The following SENP1 variants were observed in gnomAD, a reference collection of about 807,000 sequenced individuals.
The protein encoded by SENP1 is SUMO specific peptidase 1, also known as sentrin-specific protease 1.
Under a neutral mutation model 93.0 loss-of-function variants are expected in SENP1, and 21 were observed. The ratio of observed to expected loss-of-function variants is 0.23; its 90% confidence interval spans 0.16 to 0.33. The LOEUF (loss-of-function observed/expected upper bound fraction) is 0.33, where lower values mean the gene tolerates loss of function less well. SENP1 is among the 10% of genes least tolerant of loss of function. The pLI is 1.00. For synonymous variants in SENP1, 256 were observed against 259.6 expected (o/e 0.99, Z 0.13); for missense variants, 591 against 758.7 (o/e 0.78, Z 2.60).
rs113215127 is a variant in SENP1, at chr12:48,074,805, CA to C, written c.553-13del. 50,471 of 1,017,262 alleles carry C rather than the reference CA, an allele frequency of 0.05. No individual in the cohort carries two copies. Among genetic ancestry groups the C allele is most frequent in the South Asian group, 0.057 (3,015 of 52,618 alleles). 63.0% of individuals were successfully genotyped at this position (1,017,262 alleles called of 1,614,324 possible). ...TCTTCTTGAACTGTCTATAAGAAAACAAAAAAAAAAAACAGTTTAAACACAT... is the reference window on the plus strand; with the variant it reads ...TCTTCTTGAACTGTCTATAAGAAAACAAAAAAAAAAACAGTTTAAACACAT... On this transcript the variant is annotated splice_polypyrimidine_tract_variant and intron_variant, in intron 6 of 17. Coordinates refer to ENST00000549518, the MANE Select transcript of SENP1 (RefSeq NM_001267594.2).
chr12:48,046,544 T>C, intron 16 of SENP1, 93 bp from the exon 17 acceptor site: 1 of 908,158 alleles, frequency 1.1e-6, no homozygotes, highest in South Asian at 1.4e-5. Context: ...ATTGTACAGG[T>C]TTCTCTAAAT....
At chr12:48,049,699 C>T (rs1178304220) in intron 13 of SENP1, among the ~76,000 whole-genome samples, 1 of 152,196 alleles carries the variant, frequency 6.6e-6, no homozygotes, top group Non-Finnish European at 1.5e-5. Flanking sequence ...CAGAGGCAAA[C>T]TCTTTTGGTC....
At chr12:48,067,822 T>A (rs539601913) in intron 9 of SENP1, among the ~76,000 whole-genome samples, 3 of 150,752 alleles carry the variant, frequency 2.0e-5, no homozygotes, top group South Asian at 4.2e-4. Flanking sequence ...AAAAAAAAAA[T>A]GATCTGCAAC....
intron 1 of SENP1, 126 bp downstream of exon 1, chr12:48,105,902 G>A: frequency 1.6e-6 from 1 of 625,968 alleles, no homozygotes; most frequent in Non-Finnish European, 2.9e-6. Flanking sequence ...AGGAAAAGGC[G>A]CCGGCCCCAC....
intron 8 of SENP1, among the ~76,000 whole-genome samples, chr12:48,073,710 G>T (rs76403707): frequency 6.6e-6 from 1 of 152,166 alleles, no homozygotes; most frequent in South Asian, 2.1e-4. Context: ...ATTCTAAAAC[G>T]CACAAACCTA....
At chr12:48,077,594 TC>T (rs547527485) in intron 6 of SENP1, among the ~76,000 whole-genome samples, 140 of 152,248 alleles carry the variant, frequency 9.2e-4, no homozygotes, top group African/African-American at 3.0e-3. Flanking sequence ...ACTTTTTTTT[TC>T]GTCATACTTT....
intron 6 of SENP1, among the ~76,000 whole-genome samples, chr12:48,078,221 A>G (rs949861513): frequency 6.6e-6 from 1 of 150,468 alleles, no homozygotes; most frequent in African/African-American, 2.4e-5. Flanking sequence ...CATTGTTAAC[A>G]GTGCATAGAA....
chr12:48,064,356 GA>G (rs1475604666), intron 12 of SENP1, among the ~76,000 whole-genome samples: 19 of 152,060 alleles, frequency 1.2e-4, no homozygotes, highest in African/African-American at 4.6e-4. Context: ...GAGAAGTATG[GA>G]TAAAGAAACG....
intron 1 of SENP1, among the ~76,000 whole-genome samples, chr12:48,104,054 T>C (rs559960761): frequency 6.6e-6 from 1 of 150,996 alleles, no homozygotes; most frequent in Non-Finnish European, 1.5e-5. Flanking sequence ...CTACGAAAAA[T>C]ACAAAAATTA....
At chr12:48,092,715 G>A (rs368670639) in intron 4 of SENP1, among the ~76,000 whole-genome samples, 7 of 152,192 alleles carry the variant, frequency 4.6e-5, no homozygotes, top group African/African-American at 1.7e-4. Flanking sequence ...ACTCAAGTGA[G>A]AGATGAAGCT....
intron 12 of SENP1, among the ~76,000 whole-genome samples, chr12:48,064,113 C>G (rs990255313): frequency 4.6e-5 from 7 of 152,156 alleles, no homozygotes; most frequent in Non-Finnish European, 1.0e-4. Flanking sequence ...TCTGGAACAA[C>G]CTTCCGCTAT....
chr12:48,075,334 A>G (rs1943993705), intron 6 of SENP1, among the ~76,000 whole-genome samples: 1 of 152,228 alleles, frequency 6.6e-6, no homozygotes, highest in Admixed American at 6.5e-5. Context: ...ATATTTAAAT[A>G]ATAGTGCAGA....
At chr12:48,071,746 T>A (rs189069675) in intron 8 of SENP1, 25 bp from the exon 9 acceptor site, 1 of 1,528,324 alleles carries the variant, frequency 6.5e-7, no homozygotes, top group Non-Finnish European at 9.0e-7. Context: ...GAGCATTTCA[T>A]TAGTAATAAA....
chr12:48,071,390 T>A (rs1262623450), intron 9 of SENP1, among the ~76,000 whole-genome samples: 2 of 151,892 alleles, frequency 1.3e-5, no homozygotes, highest in East Asian at 3.9e-4. Flanking sequence ...CCGAGGCAGG[T>A]GGATCACTTG....
intron 6 of SENP1, chr12:48,081,287 T>TAGCATAA (rs1944470985): frequency 6.6e-6 from 1 of 151,998 alleles, no homozygotes; most frequent in Non-Finnish European, 1.5e-5. Context: ...TAAAATTCAA[T>TAGCATAA]AGCATAAAAG....
chr12:48,093,519 G>A (rs997411724), intron 4 of SENP1, among the ~76,000 whole-genome samples: 10 of 151,742 alleles, frequency 6.6e-5, no homozygotes, highest in African/African-American at 1.7e-4. Context: ...CCTGACCTCC[G>A]GTGATCCACC....
At chr12:48,104,341 G>C (rs1016275584) in intron 1 of SENP1, among the ~76,000 whole-genome samples, 1 of 136,070 alleles carries the variant, frequency 7.3e-6, no homozygotes, top group East Asian at 2.2e-4. Flanking sequence ...GATGTGGTTA[G>C]AACAATTTAT....
intron 5 of SENP1, among the ~76,000 whole-genome samples, chr12:48,087,048 A>T (rs747867095): frequency 7.9e-5 from 12 of 151,776 alleles, no homozygotes; most frequent in Non-Finnish European, 1.5e-4. Flanking sequence ...CAACAAAACA[A>T]AAAAACAAAA....
At position 48,042,940 on chromosome 12, in the gene SENP1, T is replaced by G. The variant is rs1941087226; in HGVS notation, c.*2382A>C. ...CTTATTTAGTTTAAAGTAAATTACATAAGATATTAATAACATGCCTTTGGG... is the reference window on the plus strand; with the variant it reads ...CTTATTTAGTTTAAAGTAAATTACAGAAGATATTAATAACATGCCTTTGGG... On this transcript the variant is annotated 3_prime_UTR_variant, in exon 18 of 18. Coordinates refer to ENST00000549518, the MANE Select transcript of SENP1 (RefSeq NM_001267594.2). 1 of 151,844 alleles carries G rather than the reference T, an allele frequency of 6.6e-6. No individual in the cohort carries two copies. Among genetic ancestry groups the G allele is most frequent in the Non-Finnish European group, 1.5e-5 (1 of 67,974 alleles). 9.4% of individuals were successfully genotyped at this position (151,844 alleles called of 1,614,324 possible). A position where few individuals can be genotyped will look rare whatever the true frequency, so the allele number is the denominator to read the frequency against.
Sources: gnomAD v4.1 joint callset for allele counts (sites outside exome capture counted in the v4.1 genomes callset) on GRCh38, gnomAD v4.1.1 for gene constraint, MANE v1.5 for transcripts, NCBI Gene and HGNC (gene_info 2026-07-23, HGNC 2026-07-21) for gene names.